The following ENPP4 variants were observed in gnomAD, a reference collection of about 807,000 sequenced individuals.
ENPP4 encodes the protein bis(5'-adenosyl)-triphosphatase ENPP4.
In ENPP4, 18 loss-of-function variants were observed where a neutral mutation model predicts 33.4. The observed-to-expected ratio is 0.54, with a 90% CI of 0.37 to 0.80. The LOEUF is 0.80. Ranked by LOEUF, ENPP4 falls within the 30% of genes least tolerant of loss-of-function variation. The pLI is 0.00. For synonymous variants in ENPP4, 172 were observed against 189.9 expected (o/e 0.91, Z 0.78); for missense variants, 480 against 541.7 (o/e 0.89, Z 1.13).
intron 3 of ENPP4, 73 bp downstream of exon 3, chr6:46,141,295 AG>A (rs1241799400): frequency 9.1e-7 from 1 of 1,097,208 alleles, no homozygotes; most frequent in Non-Finnish European, 1.3e-6. Flanking sequence ...TTGTGTTAAG[AG>A]GGTACTTCGA....
At chr6:46,138,169 A>T (rs1764002723) in intron 1 of ENPP4, among the ~76,000 whole-genome samples, 1 of 151,796 alleles carries the variant, frequency 6.6e-6, no homozygotes, top group Non-Finnish European at 1.5e-5. Flanking sequence ...ACTAATCTTC[A>T]TTAGTTCTTT....
intron 3 of ENPP4, among the ~76,000 whole-genome samples, chr6:46,141,662 C>T (rs917180632): frequency 5.9e-5 from 9 of 151,360 alleles, no homozygotes; most frequent in African/African-American, 1.9e-4. Context: ...TGGGCAAGAA[C>T]CAGAAAGTAA....
chr6:46,140,215 A>G lies in ENPP4; in HGVS notation c.632A>G (p.Asp211Gly), dbSNP rs1764036188. The G allele has an allele frequency of 2.5e-6, 4 of 1,612,524 alleles. No homozygotes were observed. Among genetic ancestry groups the G allele is most frequent in the Non-Finnish European group, 3.4e-6 (4 of 1,179,080 alleles). ...ATGAGCAGAGTGTTGAAAAAAATAGATGATCTTATCGGTGACTTAGTCCAA... is the reference window on the plus strand; with the variant it reads ...ATGAGCAGAGTGTTGAAAAAAATAGGTGATCTTATCGGTGACTTAGTCCAA... ...ENMSRVLKKI[D>G]DLIGDLVQRL... Residue 211 changes from aspartate to glycine, a missense_variant, in exon 2 of 4, where the codon GAT becomes GGT. This residue lies in a region of ENPP4 where 227 missense variants were observed against 273.7 expected (regional missense o/e 0.83). Coordinates refer to ENST00000321037, the MANE Select transcript of ENPP4 (RefSeq NM_014936.5).
Position 46,144,844 on chromosome 6 carries a change from G to C in ENPP4, c.*1204G>C, listed in dbSNP as rs977792464. 17 of 394,330 alleles carry C rather than the reference G, an allele frequency of 4.3e-5. No individual in the cohort carries two copies. Among genetic ancestry groups the C allele is most frequent in the Non-Finnish European group, 7.6e-5 (17 of 222,898 alleles). 24.4% of individuals were successfully genotyped at this position (394,330 alleles called of 1,614,324 possible). On this transcript the variant is annotated 3_prime_UTR_variant, in exon 4 of 4. Coordinates refer to ENST00000321037, the MANE Select transcript of ENPP4 (RefSeq NM_014936.5). ...TATGTTAAGTGGCAGAATAGCCTTA[G>C]TGCTACCTCCACTTTTTTCTCCAGT...
chr6:46,139,428 T>C, intron 1 of ENPP4, 123 bp from the exon 2 acceptor site: 1 of 558,438 alleles, frequency 1.8e-6, no homozygotes, highest in Non-Finnish European at 3.2e-6. Flanking sequence ...ATGGTATTAT[T>C]TAAGTTAATA....
rs775925289 is a variant in ENPP4 at position 46,139,626 on chromosome 6, G to A, written c.43G>A (p.Gly15Ser). 1.9e-6 allele frequency: 3 copies of A among 1,608,460 alleles called. No individual in the cohort carries two copies. In the Admixed American group the frequency reaches 5.0e-5, roughly 27 times the overall value. ...VILLFSGLIT[G>S]FRSDSSSSLP... is the part of the protein sequence containing the mutation. The stretch of plus-strand genomic sequence containing the variant: ...ACTTTTGTTTTCTGGACTTATAACT[G>A]GTTTTAGAAGTGACTCTTCCTCTAG... Residue 15 changes from glycine to serine, a missense_variant, in exon 2 of 4, where the codon GGT (glycine) becomes AGT (serine). By Grantham distance (56) the Gly-to-Ser change is moderately conservative. Around this residue, in one of 3 missense-constraint regions of ENPP4, gnomAD observed 227 missense variants for 273.7 expected, o/e 0.83. Transcript: ENST00000321037.
intron 2 of ENPP4, 74 bp from the exon 3 acceptor site, chr6:46,140,978 A>C (rs1713647727): frequency 1.1e-6 from 1 of 912,434 alleles, no homozygotes; most frequent in Admixed American, 2.6e-5. Context: ...TTTACTTCCA[A>C]TTATTCTAGT....
At chr6:46,138,661 T>C (rs545254376) in intron 1 of ENPP4, among the ~76,000 whole-genome samples, 19 of 151,912 alleles carry the variant, frequency 1.3e-4, no homozygotes, top group Admixed American at 1.1e-3. Flanking sequence ...AGGCATCCTG[T>C]CCATCTGAAG....
At position 46,139,655 on chromosome 6, in the gene ENPP4, G is replaced by T; in HGVS notation, c.72G>T (p.Leu24Phe). The part of the protein sequence containing the change: ...TGFRSDSSSS[L>F]PPKLLLVSFD... ...TTAGAAGTGACTCTTCCTCTAGTTT[G>T]CCACCTAAGTTACTACTAGTATCCT... is the stretch of plus-strand genomic sequence containing the variant. Residue 24 changes from leucine (L) to phenylalanine (F), a missense_variant, in exon 2 of 4, where the codon TTG (leucine) becomes TTT (phenylalanine). This residue lies in a region of ENPP4 where 227 missense variants were observed against 273.7 expected (regional missense o/e 0.83). Coordinates refer to ENST00000321037, the MANE Select transcript of ENPP4 (RefSeq NM_014936.5). 6.2e-7 allele frequency: 1 copy of T among 1,610,922 alleles called. No individual in the cohort carries two copies. Among genetic ancestry groups the T allele is most frequent in the Non-Finnish European group, 8.5e-7 (1 of 1,177,904 alleles).
At chr6:46,135,653 CTT>C (rs1231837128) in intron 1 of ENPP4, among the ~76,000 whole-genome samples, 3 of 152,076 alleles carry the variant, frequency 2.0e-5, no homozygotes, top group Non-Finnish European at 4.4e-5. Context: ...AGGCACGAGA[CTT>C]TTTAATTTTG....
intron 1 of ENPP4, among the ~76,000 whole-genome samples, chr6:46,134,644 G>A (rs1392509589): frequency 6.6e-6 from 1 of 151,904 alleles, no homozygotes; most frequent in African/African-American, 2.4e-5. Context: ...CCTGTTTTGT[G>A]GCAGGACATT....
At chr6:46,137,086 T>A (rs1763988238) in intron 1 of ENPP4, among the ~76,000 whole-genome samples, 1 of 151,778 alleles carries the variant, frequency 6.6e-6, no homozygotes. Flanking sequence ...CGAAGCTGTT[T>A]TAAAGGGTTG....
rs1764121476 is a variant in ENPP4 at position 46,144,888 on chromosome 6, A to G, written c.*1248A>G. 2.5e-6 allele frequency: 1 copy of G among 395,816 alleles called. No homozygotes were observed. The highest frequency in any genetic ancestry group is 1.3e-4 in the South Asian group (1 of 7,844). 24.5% of individuals were successfully genotyped at this position (395,816 alleles called of 1,614,324 possible). On this transcript the variant is annotated 3_prime_UTR_variant, in exon 4 of 4. Transcript: ENST00000321037. Reference sequence around the variant, plus strand: ...CTCCAGTATTTGCATCACAGAAATAATCCCTCTGTTTAACATGTTTGTTCA... The same window carrying G: ...CTCCAGTATTTGCATCACAGAAATAGTCCCTCTGTTTAACATGTTTGTTCA...
chr6:46,139,931 A>G lies in ENPP4; in HGVS notation c.348A>G (p.Ala116=). 1 of 1,612,956 alleles carries G rather than the reference A, an allele frequency of 6.2e-7. No homozygotes were observed. The highest frequency in any genetic ancestry group is 8.5e-7 in the Non-Finnish European group (1 of 1,179,166). Residue 116 remains alanine, a synonymous_variant, in exon 2 of 4, where the codon GCA becomes GCG. Transcript: ENST00000321037. The part of the protein sequence containing the change: ...NDKDPFWWNE[A]VPIWVTNQLQ... ...AGGATCCTTTTTGGTGGAATGAGGC[A>G]GTACCTATTTGGGTGACCAATCAGC...
chr6:46,135,156 T>C (rs1763959097), intron 1 of ENPP4, among the ~76,000 whole-genome samples: 1 of 152,112 alleles, frequency 6.6e-6, no homozygotes, highest in African/African-American at 2.4e-5. Flanking sequence ...TGTACAAGTT[T>C]TTGTGTGGAC....
intron 1 of ENPP4, among the ~76,000 whole-genome samples, chr6:46,132,236 A>G (rs1763911640): frequency 6.6e-6 from 1 of 152,042 alleles, no homozygotes; most frequent in East Asian, 1.9e-4. Context: ...GCCCATGCCT[A>G]TGTCCTGAAT....
At position 46,145,852 on chromosome 6, in the gene ENPP4, T is replaced by C. The variant is rs1322213930; in HGVS notation, c.*2212T>C. ...TGTTGATGGGACAAGAAGAATAGTATTTATTTAATAAAACATATATTATAT... is the reference window on the plus strand; with the variant it reads ...TGTTGATGGGACAAGAAGAATAGTACTTATTTAATAAAACATATATTATAT... On this transcript the variant is annotated 3_prime_UTR_variant, in exon 4 of 4. Transcript: ENST00000321037. The C allele has an allele frequency of 6.6e-6, 1 of 151,936 alleles. No homozygotes were observed. Among genetic ancestry groups the C allele is most frequent in the Non-Finnish European group, 1.5e-5 (1 of 67,848 alleles). 9.4% of individuals were successfully genotyped at this position (151,936 alleles called of 1,614,324 possible). A position where few individuals can be genotyped will look rare whatever the true frequency, so the allele number is the denominator to read the frequency against.
chr6:46,140,220 C>T lies in ENPP4; in HGVS notation c.637C>T (p.Leu213Phe), dbSNP rs753011088. ...CAGAGTGTTGAAAAAAATAGATGAT[C>T]TTATCGGTGACTTAGTCCAAAGACT... is the stretch of plus-strand genomic sequence containing the variant. Reference protein sequence around the residue: ...MSRVLKKIDDLIGDLVQRLKM... With the variant: ...MSRVLKKIDDFIGDLVQRLKM... The change falls in exon 2 of 4, where the codon CTT (leucine) becomes TTT (phenylalanine). Residue 213 changes from leucine to phenylalanine, a missense_variant. Coordinates refer to ENST00000321037, the MANE Select transcript of ENPP4 (RefSeq NM_014936.5). 1.2e-6 allele frequency: 2 copies of T among 1,612,506 alleles called. No individual in the cohort carries two copies. Among genetic ancestry groups the T allele is most frequent in the African/African-American group, 2.7e-5 (2 of 74,884 alleles).
chr6:46,134,853 C>T (rs1429126367), intron 1 of ENPP4, among the ~76,000 whole-genome samples: 1 of 151,772 alleles, frequency 6.6e-6, no homozygotes, highest in Non-Finnish European at 1.5e-5. Context: ...TACCCATTTC[C>T]CCCCCAACCC....
Sources: gnomAD v4.1 joint callset for allele counts (sites outside exome capture counted in the v4.1 genomes callset) on GRCh38, gnomAD v4.1.1 for gene constraint, gnomAD v4.1.1 regional missense constraint, MANE v1.5 for transcripts, NCBI Gene and HGNC (gene_info 2026-07-23, HGNC 2026-07-21) for gene names.